Variants in TFEC observed in about 807,000 individuals in gnomAD.
The protein encoded by TFEC is class E basic helix-loop-helix protein 34.
Under a neutral mutation model 41.6 loss-of-function variants are expected in TFEC, and 31 were observed. The observed-to-expected ratio is 0.74, with a 90% CI of 0.56 to 1.01. TFEC has a LOEUF of 1.01. Among genes scored for constraint, TFEC ranks in the 50% least tolerant of loss-of-function variants. The pLI is 0.00. For missense variants in TFEC, 402 were observed against 404.1 expected, an observed-to-expected ratio of 0.99 and a Z score of 0.04; for synonymous variants, 143 against 140.6, an observed-to-expected ratio of 1.02 and a Z score of -0.12.
chr7:116,093,914 C>T (rs539393516), intron 3 of TFEC, among the ~76,000 whole-genome samples: 2 of 152,074 alleles, frequency 1.3e-5, no homozygotes, highest in Non-Finnish European at 2.9e-5. Context: ...CTTTTTAAGG[C>T]GGTTTGCAAA....
intron 1 of TFEC, among the ~76,000 whole-genome samples, chr7:116,009,178 C>A (rs1278549799): frequency 1.3e-5 from 2 of 152,150 alleles, no homozygotes; most frequent in South Asian, 2.1e-4. Context: ...CCATGTTATA[C>A]CTTTAAAATA....
rs905494971 is a variant in TFEC at position 115,937,613 on chromosome 7, G to A, written c.*2938C>T. 2 of 151,812 alleles carry A rather than the reference G, an allele frequency of 1.3e-5. No homozygotes were observed. Among genetic ancestry groups the A allele is most frequent in the South Asian group, 2.1e-4 (1 of 4,826 alleles). 9.4% of individuals were successfully genotyped at this position (151,812 alleles called of 1,614,324 possible). A position where few individuals can be genotyped will look rare whatever the true frequency, so the allele number is the denominator to read the frequency against. The stretch of plus-strand genomic sequence containing the variant: ...AGTGGGGAGGACATGTTTGATAAAC[G>A]ACTACTTCATAAATGAACAACTTTT... On this transcript the variant is annotated 3_prime_UTR_variant, in exon 8 of 8. Coordinates refer to ENST00000265440, the MANE Select transcript of TFEC (RefSeq NM_012252.4).
intron 1 of TFEC, among the ~76,000 whole-genome samples, chr7:116,149,912 G>A (rs1798725274): frequency 6.6e-6 from 1 of 152,010 alleles, no homozygotes; most frequent in Non-Finnish European, 1.5e-5. Flanking sequence ...ATTTCTTCAT[G>A]TAGTTTGTCT....
rs369881246 is a variant in TFEC at position 116,074,127 on chromosome 7, T to C, written c.198+36581A>G. Among the ~76,000 whole-genome samples, 3 of 151,474 alleles carry C rather than the reference T, an allele frequency of 2.0e-5. No individual in the cohort carries two copies. The East Asian group carries it at 5.8e-4, about 29-fold the overall frequency. On this transcript the variant is annotated intron_variant, in intron 3 of 8. Coordinates refer to the TFEC transcript ENST00000484212. The stretch of plus-strand genomic sequence containing the variant: ...ACTATAAAATTCTTAAAAGAAAACA[T>C]ATATATGCTTATATATATTTATGAT...
chr7:116,035,713 T>A (rs1795894059), upstream of TFEC, among the ~76,000 whole-genome samples: 1 of 152,104 alleles, frequency 6.6e-6, no homozygotes, highest in Admixed American at 6.6e-5. Flanking sequence ...TTCTGCATTT[T>A]TAGAAATTTA....
chr7:115,954,950 A>G (rs1051465020), intron 4 of TFEC, among the ~76,000 whole-genome samples: 3 of 152,166 alleles, frequency 2.0e-5, no homozygotes, highest in Admixed American at 2.0e-4. Flanking sequence ...ACTATAATAC[A>G]ATACCTACCT....
At chr7:115,990,318 T>G (rs1794049814) in intron 1 of TFEC, among the ~76,000 whole-genome samples, 1 of 152,140 alleles carries the variant, frequency 6.6e-6, no homozygotes. Context: ...TCAGAGCGCT[T>G]CTTCTCCACC....
At chr7:115,943,053 TTA>T (rs1793586187) in intron 6 of TFEC, among the ~76,000 whole-genome samples, 1 of 152,056 alleles carries the variant, frequency 6.6e-6, no homozygotes, top group Non-Finnish European at 1.5e-5. Flanking sequence ...CAGTAAAATA[TTA>T]AAAGAAGAGA....
chr7:116,073,801 T>C (rs556770817), intron 3 of TFEC, among the ~76,000 whole-genome samples: 29 of 152,022 alleles, frequency 1.9e-4, no homozygotes, highest in Admixed American at 9.8e-4. Flanking sequence ...CATAGGTCAA[T>C]GGACTACAAT....
At chr7:116,046,490 C>G (rs1423516473) in intron 3 of TFEC, among the ~76,000 whole-genome samples, 10 of 152,058 alleles carry the variant, frequency 6.6e-5, no homozygotes. Flanking sequence ...GAAGGCCTTC[C>G]TAGCCATGTG....
chr7:116,133,587 A>C (rs1798377321), intron 1 of TFEC, among the ~76,000 whole-genome samples: 1 of 151,998 alleles, frequency 6.6e-6, no homozygotes, highest in African/African-American at 2.4e-5. Flanking sequence ...TTTGCCAATA[A>C]ATGATTTCTG....
chr7:116,129,882 T>G (rs1798296295), intron 1 of TFEC, among the ~76,000 whole-genome samples: 2 of 152,242 alleles, frequency 1.3e-5, no homozygotes, highest in South Asian at 4.2e-4. Context: ...CTTTTTCTGA[T>G]GTACATTTTC....
rs149250042 is a variant in TFEC, at chr7:115,942,542, T to G, written c.516-502A>C. Reference sequence around the variant, plus strand: ...CTCCTGAATGGTGATCCTGAGCAATTGTGAAACAAATCAGACTCTGGCAAC... The same window carrying G: ...CTCCTGAATGGTGATCCTGAGCAATGGTGAAACAAATCAGACTCTGGCAAC... On this transcript the variant is annotated intron_variant, in intron 6 of 7. Coordinates refer to ENST00000265440, the MANE Select transcript of TFEC (RefSeq NM_012252.4). 8.5e-5 allele frequency among the ~76,000 whole-genome samples: 13 copies of G among 152,182 alleles called. No individual in the cohort carries two copies. In the East Asian group the frequency reaches 2.5e-3, roughly 29 times the overall value.
At chr7:115,978,321 C>T (rs1422043402) in intron 2 of TFEC, among the ~76,000 whole-genome samples, 1 of 152,118 alleles carries the variant, frequency 6.6e-6, no homozygotes, top group Admixed American at 6.6e-5. Flanking sequence ...AACACGTATA[C>T]ACCTAAAAAT....
intron 1 of TFEC, among the ~76,000 whole-genome samples, chr7:116,124,943 A>C (rs1798180110): frequency 6.6e-6 from 1 of 152,222 alleles, no homozygotes; most frequent in African/African-American, 2.4e-5. Context: ...GAGAAGATCC[A>C]CATGTATTCA....
chr7:116,129,950 G>T (rs1270428432), intron 1 of TFEC, among the ~76,000 whole-genome samples: 1 of 150,844 alleles, frequency 6.6e-6, no homozygotes, highest in African/African-American at 2.4e-5. Context: ...ACTTCCAGTG[G>T]CTCTCCTTCC....
intron 1 of TFEC, among the ~76,000 whole-genome samples, chr7:116,024,012 C>A (rs149855069): frequency 3.9e-5 from 6 of 152,190 alleles, no homozygotes; most frequent in African/African-American, 1.4e-4. Flanking sequence ...AATCAATGAC[C>A]TTTCTCTGAC....
upstream of TFEC, among the ~76,000 whole-genome samples, chr7:116,032,228 CT>C (rs1469444811): frequency 2.0e-5 from 3 of 151,976 alleles, no homozygotes; most frequent in Non-Finnish European, 4.4e-5. Context: ...CGGGTAGTTA[CT>C]TTTTTTACAT....
chr7:116,018,444 C>G (rs1247585322), intron 1 of TFEC, among the ~76,000 whole-genome samples: 1 of 152,116 alleles, frequency 6.6e-6, no homozygotes, highest in Non-Finnish European at 1.5e-5. Context: ...TTTATATGCA[C>G]AGGCTAACAT....
Sources: allele counts gnomAD v4.1 joint callset (sites outside exome capture counted in the v4.1 genomes callset), GRCh38; gene constraint gnomAD v4.1.1; transcripts MANE v1.5; gene names NCBI Gene and HGNC (gene_info 2026-07-23, HGNC 2026-07-21).